NRXN1: variants seen among roughly 807,000 people sequenced by gnomAD.
NRXN1 encodes the protein neurexin-1.
NRXN1 carries 39 observed loss-of-function variants against 150.9 expected under a neutral mutation model. The ratio of observed to expected loss-of-function variants is 0.26; its 90% CI spans 0.20 to 0.34. The LOEUF (loss-of-function observed/expected upper bound fraction) is 0.34, where lower values mean the gene tolerates loss of function less well. Among genes scored for constraint, NRXN1 ranks in the 10% least tolerant of loss-of-function variants. NRXN1 has a pLI of 1.00. For synonymous variants in NRXN1, 924 were observed against 757.0 expected, an observed-to-expected ratio of 1.22 and a Z score of -3.62; for missense variants, 1,815 against 1,949.9, an observed-to-expected ratio of 0.93 and a Z score of 1.30.
chr2:50,042,834 G>A lies in NRXN1; in HGVS notation c.4128+10437C>T, dbSNP rs146003726. 4.9e-3 allele frequency among the ~76,000 whole-genome samples: 751 copies of A among 152,170 alleles called. 23 individuals carry two copies. Among genetic ancestry groups the A allele is most frequent in the Admixed American group, 0.043 (652 of 15,278 alleles). On this transcript the variant is annotated intron_variant, in intron 21 of 22. Transcript: ENST00000401669. ...TCTTTTCCAAAGTGCTATGAAAACA[G>A]GAAACAGGTTCTGCTTGGGGTTGTT...
chr2:50,227,039 C>T (rs938700034), intron 18 of NRXN1, among the ~76,000 whole-genome samples: 1 of 151,848 alleles, frequency 6.6e-6, no homozygotes. Flanking sequence ...ACTTGCTGCT[C>T]GGCATCATGC....
intron 22 of NRXN1, among the ~76,000 whole-genome samples, chr2:49,929,469 T>C (rs111791421): frequency 1.5e-4 from 23 of 152,314 alleles, no homozygotes; most frequent in African/African-American, 5.5e-4. Context: ...TTTGCATCTA[T>C]TATGGTGCTT....
intron 2 of NRXN1, among the ~76,000 whole-genome samples, chr2:51,020,122 T>C (rs1297106853): frequency 6.6e-6 from 1 of 151,754 alleles, no homozygotes; most frequent in Non-Finnish European, 1.5e-5. Context: ...ACGTATATAG[T>C]TCAGTGAATC....
chr2:50,994,603 A>C (rs1323685033), intron 2 of NRXN1, among the ~76,000 whole-genome samples: 1 of 152,030 alleles, frequency 6.6e-6, no homozygotes, highest in Non-Finnish European at 1.5e-5. Flanking sequence ...CATAAGGAGA[A>C]TTTCTAATTT....
At chr2:50,519,917 C>G (rs953638135) in intron 12 of NRXN1, among the ~76,000 whole-genome samples, 2 of 151,796 alleles carry the variant, frequency 1.3e-5, no homozygotes, top group Non-Finnish European at 2.9e-5. Context: ...GGCATAAAAT[C>G]TAAGAGAAAC....
chr2:50,415,436 C>T (rs527391516), intron 17 of NRXN1, among the ~76,000 whole-genome samples: 21 of 152,160 alleles, frequency 1.4e-4, no homozygotes, highest in African/African-American at 4.3e-4. Flanking sequence ...GGTGGAAATG[C>T]GCTGTCTCAT....
chr2:50,149,695 T>C (rs1219476598), intron 18 of NRXN1, among the ~76,000 whole-genome samples: 2 of 151,758 alleles, frequency 1.3e-5, no homozygotes, highest in Non-Finnish European at 2.9e-5. Flanking sequence ...ACTTTCCTTA[T>C]CTTTATATAT....
chr2:49,925,788 A>C (rs1177189904), intron 22 of NRXN1, among the ~76,000 whole-genome samples: 1 of 152,100 alleles, frequency 6.6e-6, no homozygotes, highest in African/African-American at 2.4e-5. Flanking sequence ...AGCACGTGAC[A>C]AAGAAACAAG....
At chr2:49,984,595 A>T (rs1680581434) in intron 21 of NRXN1, among the ~76,000 whole-genome samples, 1 of 151,974 alleles carries the variant, frequency 6.6e-6, no homozygotes, top group African/African-American at 2.4e-5. Flanking sequence ...TGCACTCAGG[A>T]AAGCACTGTA....
intron 17 of NRXN1, among the ~76,000 whole-genome samples, chr2:50,292,657 A>G (rs1315937196): frequency 6.6e-6 from 1 of 152,234 alleles, no homozygotes; most frequent in East Asian, 1.9e-4. Context: ...GAAAAGTAGT[A>G]TCACTGATAT....
At chr2:50,619,601 G>A (rs1352460785) in intron 8 of NRXN1, 3 of 279,750 alleles carry the variant, frequency 1.1e-5, no homozygotes, top group Non-Finnish European at 1.3e-5. Flanking sequence ...TTACATAGTC[G>A]TTGCTTCTCC....
intron 21 of NRXN1, among the ~76,000 whole-genome samples, chr2:49,989,943 A>G (rs1268525164): frequency 2.0e-5 from 3 of 152,006 alleles, no homozygotes; most frequent in Admixed American, 6.6e-5. Flanking sequence ...TTGGTACTCT[A>G]TGAAGTTATT....
chr2:50,904,215 A>AG (rs1434638879), intron 5 of NRXN1, among the ~76,000 whole-genome samples: 14 of 152,126 alleles, frequency 9.2e-5, no homozygotes, highest in Admixed American at 3.3e-4. Flanking sequence ...GAAATACATG[A>AG]GACAAGTTAG....
chr2:51,029,024 CA>C lies in NRXN1; in HGVS notation c.-752del, dbSNP rs986740535. ...TTTCAGCCACGGCAACAGTAGGACT[CA>C]AACCCAGCAGTTGCGAAATAGCCAG... On this transcript the variant is annotated 5_prime_UTR_variant, in exon 2 of 23. Coordinates refer to ENST00000401669, the MANE Select transcript of NRXN1 (RefSeq NM_001330078.2). 3 of 152,232 alleles carry C rather than the reference CA, an allele frequency of 2.0e-5. No individual in the cohort carries two copies. Among genetic ancestry groups the C allele is most frequent in the Non-Finnish European group, 2.9e-5 (2 of 68,054 alleles). 9.4% of individuals were successfully genotyped at this position (152,232 alleles called of 1,614,324 possible). A position where few individuals can be genotyped will look rare whatever the true frequency, so the allele number is the denominator to read the frequency against.
At chr2:50,449,424 C>T (rs2086757671) in intron 17 of NRXN1, among the ~76,000 whole-genome samples, 1 of 152,210 alleles carries the variant, frequency 6.6e-6, no homozygotes, top group African/African-American at 2.4e-5. Context: ...GACTTAGTCA[C>T]TCCTTCCTCT....
In NRXN1 at chr2:51,023,085, G is replaced by C. The variant is rs377490382; in HGVS notation, c.772+4417C>G. Among the ~76,000 whole-genome samples the C allele has an allele frequency of 5.9e-5, 9 of 152,298 alleles. No homozygotes were observed. In the East Asian group the frequency reaches 1.7e-3, roughly 29 times the overall value. ...GATGACTTTAACTTCCTTCAAGAAA[G>C]AATTGTATTTTTCCCCTAGTTTAAT... On this transcript the variant is annotated intron_variant, in intron 2 of 22. Coordinates refer to ENST00000401669, the MANE Select transcript of NRXN1 (RefSeq NM_001330078.2).
At chr2:50,266,912 T>C (rs947344049) in intron 17 of NRXN1, among the ~76,000 whole-genome samples, 15 of 152,212 alleles carry the variant, frequency 9.9e-5, no homozygotes, top group African/African-American at 3.6e-4. Context: ...GTTATTCTTC[T>C]TTATTATAGA....
intron 19 of NRXN1, among the ~76,000 whole-genome samples, chr2:50,062,184 C>T (rs751422960): frequency 3.3e-5 from 5 of 152,108 alleles, no homozygotes; most frequent in Admixed American, 6.5e-5. Flanking sequence ...ATGTTTGTAT[C>T]TCCCAAAATT....
chr2:50,745,799 G>T (rs1399503788), intron 5 of NRXN1, among the ~76,000 whole-genome samples: 2 of 152,058 alleles, frequency 1.3e-5, no homozygotes, highest in South Asian at 4.1e-4. Flanking sequence ...ACCATCATGA[G>T]AATAGCATGG....
Sources: allele counts gnomAD v4.1 joint callset (sites outside exome capture counted in the v4.1 genomes callset), GRCh38; gene constraint gnomAD v4.1.1; transcripts MANE v1.5; gene names NCBI Gene and HGNC (gene_info 2026-07-23, HGNC 2026-07-21).